PCCA: variants seen among roughly 807,000 people sequenced by gnomAD.
PCCA encodes the protein propionyl-CoA carboxylase alpha chain, mitochondrial.
PCCA carries 74 observed loss-of-function variants against 101.3 expected under a neutral mutation model. The observed-to-expected ratio is 0.73, with a 90% CI of 0.61 to 0.89. The LOEUF (loss-of-function observed/expected upper bound fraction) is 0.89. Ranked by LOEUF, PCCA falls within the 40% of genes least tolerant of loss-of-function variation. The probability of loss-of-function intolerance (pLI) is 0.00; values close to 1 mark genes in which losing one functional copy is unlikely to be tolerated. For missense variants in PCCA, 891 were observed against 907.0 expected (o/e 0.98, Z 0.23); for synonymous variants, 294 against 313.6 (o/e 0.94, Z 0.66).
chr13:100,335,683 A>G (rs1045363488), intron 17 of PCCA, among the ~76,000 whole-genome samples: 3 of 152,188 alleles, frequency 2.0e-5, no homozygotes, highest in Non-Finnish European at 4.4e-5. Flanking sequence ...ACAGTTGGAC[A>G]AAGGATCGAG....
At chr13:100,167,196 G>T (rs1339350717) in intron 6 of PCCA, among the ~76,000 whole-genome samples, 1 of 152,114 alleles carries the variant, frequency 6.6e-6, no homozygotes, top group Non-Finnish European at 1.5e-5. Flanking sequence ...ACAGCTTTTA[G>T]TCTTGTTGAA....
chr13:100,135,079 T>A (rs866926900), intron 4 of PCCA, among the ~76,000 whole-genome samples: 49 of 151,848 alleles, frequency 3.2e-4, no homozygotes, highest in African/African-American at 1.1e-3. Context: ...TAAGTGTAAT[T>A]TTTTTTTGGA....
intron 4 of PCCA, among the ~76,000 whole-genome samples, chr13:100,147,048 A>G (rs2052663794): frequency 6.6e-6 from 1 of 152,024 alleles, no homozygotes; most frequent in African/African-American, 2.4e-5. Flanking sequence ...TTAGTTGTAG[A>G]ATAAAATGTA....
At chr13:100,238,981 A>T (rs549841646) in intron 8 of PCCA, among the ~76,000 whole-genome samples, 2 of 152,248 alleles carry the variant, frequency 1.3e-5, no homozygotes, top group East Asian at 3.9e-4. Flanking sequence ...TGTGATGAAA[A>T]TGAAGTTTAT....
At chr13:100,110,480 G>A (rs901850844) in intron 2 of PCCA, among the ~76,000 whole-genome samples, 16 of 152,168 alleles carry the variant, frequency 1.1e-4, no homozygotes, top group African/African-American at 3.6e-4. Context: ...TGGCAAAGCT[G>A]GACTTGGGTT....
At chr13:100,266,763 C>G (rs538118501) in intron 10 of PCCA, among the ~76,000 whole-genome samples, 1 of 152,184 alleles carries the variant, frequency 6.6e-6, no homozygotes, top group Non-Finnish European at 1.5e-5. Context: ...TATTTCTCAA[C>G]CAGGGCACTA....
intron 7 of PCCA, 98 bp downstream of exon 7, chr13:100,209,561 C>CAT (rs957244076): frequency 3.9e-6 from 2 of 511,350 alleles, no homozygotes; most frequent in Admixed American, 2.5e-5. Context: ...TTGGGATATA[C>CAT]ACACACACAC....
chr13:100,500,036 C>T lies in PCCA; in HGVS notation c.1900-15391C>T, dbSNP rs571089610. On this transcript the variant is annotated intron_variant, in intron 21 of 23. Transcript: ENST00000376285. ...GGAATCTATCTTTAGACTATTCTAC[C>T]TCTGAATCTAATTGAAGTAAGAAAT... 2.0e-5 allele frequency among the ~76,000 whole-genome samples: 3 copies of T among 152,192 alleles called. No individual in the cohort carries two copies. In the South Asian group the frequency reaches 6.2e-4, roughly 32 times the overall value.
chr13:100,527,762 T>TAAG lies in PCCA; in HGVS notation c.2118+11_2118+13dup. 6.3e-7 allele frequency: 1 copy of TAAG among 1,597,008 alleles called. No individual in the cohort carries two copies. Among genetic ancestry groups the TAAG allele is most frequent in the South Asian group, 1.1e-5 (1 of 90,738 alleles). On this transcript the variant is annotated intron_variant, in intron 23 of 23. Transcript: ENST00000376285. ...TGGGAAAACTGGCACGGTGAGTCCC[T>TAAG]AAGTCCCCATCAGCCCAGGCCGGCC... is the stretch of plus-strand genomic sequence containing the variant.
intron 16 of PCCA, among the ~76,000 whole-genome samples, chr13:100,321,288 A>G (rs569098002): frequency 6.6e-6 from 1 of 152,228 alleles, no homozygotes; most frequent in African/African-American, 2.4e-5. Context: ...ATTTAGCCTG[A>G]TCTCTTTCAA....
At chr13:100,436,978 G>A (rs894810955) in intron 20 of PCCA, among the ~76,000 whole-genome samples, 6 of 152,192 alleles carry the variant, frequency 3.9e-5, no homozygotes, top group Admixed American at 1.3e-4. Context: ...CCACAGAGGC[G>A]CTTTGCTCAC....
intron 6 of PCCA, among the ~76,000 whole-genome samples, chr13:100,203,396 A>G (rs2058656448): frequency 6.6e-6 from 1 of 151,772 alleles, no homozygotes; most frequent in East Asian, 1.9e-4. Context: ...CCTTATAAAA[A>G]CATTGTATTG....
At chr13:100,167,046 A>C (rs1274447009) in intron 6 of PCCA, among the ~76,000 whole-genome samples, 2 of 152,108 alleles carry the variant, frequency 1.3e-5, no homozygotes, top group Non-Finnish European at 2.9e-5. Flanking sequence ...CCATTTTTAA[A>C]TTGAGTTGCT....
At chr13:100,328,439 C>G (rs1288429700) in intron 16 of PCCA, among the ~76,000 whole-genome samples, 2 of 148,840 alleles carry the variant, frequency 1.3e-5, no homozygotes, top group Non-Finnish European at 3.0e-5. Context: ...ATGTGAATAT[C>G]TTCTCTCAGG....
At chr13:100,471,562 G>T (rs1566397860) in intron 21 of PCCA, among the ~76,000 whole-genome samples, 1 of 152,060 alleles carries the variant, frequency 6.6e-6, no homozygotes. Flanking sequence ...TGGATTTTTT[G>T]GATACTTGAT....
intron 19 of PCCA, among the ~76,000 whole-genome samples, chr13:100,403,826 C>T (rs940323561): frequency 6.6e-6 from 1 of 152,130 alleles, no homozygotes; most frequent in African/African-American, 2.4e-5. Flanking sequence ...GAGGAGGGGC[C>T]AGGTTCCTCC....
chr13:100,133,368 G>A (rs1053066758), intron 4 of PCCA, among the ~76,000 whole-genome samples: 8 of 152,254 alleles, frequency 5.3e-5, no homozygotes, highest in South Asian at 2.1e-4. Flanking sequence ...CCTCTTGACA[G>A]TGTCTACTGC....
chr13:100,258,259 C>A (rs2062211567), intron 9 of PCCA, among the ~76,000 whole-genome samples: 1 of 152,144 alleles, frequency 6.6e-6, no homozygotes. Flanking sequence ...GGTTTCCCTC[C>A]AGTGAACACA....
intron 21 of PCCA, among the ~76,000 whole-genome samples, chr13:100,512,007 T>A (rs544857358): frequency 2.1e-4 from 32 of 152,322 alleles, no homozygotes; most frequent in African/African-American, 7.0e-4. Context: ...CAGGCATACA[T>A]GCCCAGTTGC....
Sources: gnomAD v4.1 joint callset for allele counts (sites outside exome capture counted in the v4.1 genomes callset) on GRCh38, gnomAD v4.1.1 for gene constraint, MANE v1.5 for transcripts, NCBI Gene and HGNC (gene_info 2026-07-23, HGNC 2026-07-21) for gene names.